Variants in NCAM2 observed in about 807,000 individuals in gnomAD.
The protein encoded by NCAM2 is neural cell adhesion molecule 2, also known as N-CAM-2.
In NCAM2, 30 loss-of-function variants were observed where a neutral mutation model predicts 98.1. The observed-to-expected ratio is 0.31, with a 90% CI of 0.23 to 0.41. The LOEUF (loss-of-function observed/expected upper bound fraction) is 0.41. Among genes scored for constraint, NCAM2 ranks in the 10% least tolerant of loss-of-function variants. The pLI, the probability that NCAM2 is intolerant of heterozygous loss-of-function variation, is 1.00. For missense variants in NCAM2, 867 were observed against 1,005.8 expected (o/e 0.86, Z 1.87); for synonymous variants, 368 against 342.4 (o/e 1.07, Z -0.83).
chr21:21,185,971 T>C (rs1370651842), intron 1 of NCAM2, among the ~76,000 whole-genome samples: 1 of 152,164 alleles, frequency 6.6e-6, no homozygotes, highest in African/African-American at 2.4e-5. Flanking sequence ...AGGAAGCAGA[T>C]TGCAGTGGTA....
At chr21:21,140,037 T>C (rs1025927724) in intron 1 of NCAM2, among the ~76,000 whole-genome samples, 1 of 152,196 alleles carries the variant, frequency 6.6e-6, no homozygotes, top group Non-Finnish European at 1.5e-5. Context: ...ATTGTCATGG[T>C]GGGTTCTAAG....
At position 21,264,970 on chromosome 21, in the gene NCAM2, C is replaced by T. The variant is rs1340148275; in HGVS notation, c.56-15608C>T. Among the ~76,000 whole-genome samples the T allele has an allele frequency of 3.2e-4, 39 of 123,442 alleles. 1 individual carries two copies. In the South Asian group the frequency reaches 6.2e-3, roughly 20 times the overall value. 81.0% of individuals were successfully genotyped at this position (123,442 alleles called of 152,430 possible). On this transcript the variant is annotated intron_variant, in intron 1 of 17. Coordinates refer to ENST00000400546, the MANE Select transcript of NCAM2 (RefSeq NM_004540.5). ...ATATATATGTGTATGTGTATATATACACATATATATTATATATGTGTATGT... is the reference window on the plus strand; with the variant it reads ...ATATATATGTGTATGTGTATATATATACATATATATTATATATGTGTATGT...
At chr21:21,425,143 C>T (rs1368616078) in intron 11 of NCAM2, among the ~76,000 whole-genome samples, 1 of 146,958 alleles carries the variant, frequency 6.8e-6, no homozygotes, top group East Asian at 2.1e-4. Flanking sequence ...CAACATGATT[C>T]ATGTATCTTA....
At chr21:21,215,923 A>G (rs2069882113) in intron 1 of NCAM2, among the ~76,000 whole-genome samples, 1 of 152,182 alleles carries the variant, frequency 6.6e-6, no homozygotes, top group Non-Finnish European at 1.5e-5. Flanking sequence ...GTACAGTAAC[A>G]AGAGAGCTAA....
intron 9 of NCAM2, among the ~76,000 whole-genome samples, chr21:21,399,460 C>G (rs1168861737): frequency 6.6e-6 from 1 of 152,124 alleles, no homozygotes; most frequent in Non-Finnish European, 1.5e-5. Flanking sequence ...AGATATTTCA[C>G]TCTAGTATGT....
intron 1 of NCAM2, among the ~76,000 whole-genome samples, chr21:21,242,781 C>G (rs2147246375): frequency 6.6e-6 from 1 of 152,246 alleles, no homozygotes; most frequent in East Asian, 1.9e-4. Context: ...GTGAATCATA[C>G]TGCAATGAAT....
At chr21:21,507,550 T>G (rs1988058868) in intron 15 of NCAM2, among the ~76,000 whole-genome samples, 1 of 151,996 alleles carries the variant, frequency 6.6e-6, no homozygotes, top group Non-Finnish European at 1.5e-5. Flanking sequence ...TCCCAGCACT[T>G]TGGGAGGCCA....
intron 1 of NCAM2, among the ~76,000 whole-genome samples, chr21:21,129,119 A>G (rs1392707682): frequency 6.6e-5 from 10 of 152,200 alleles, no homozygotes; most frequent in Admixed American, 6.5e-4. Flanking sequence ...GCATGTAGAT[A>G]CTGTGGCAAG....
intron 1 of NCAM2, among the ~76,000 whole-genome samples, chr21:21,093,341 T>C (rs1300552508): frequency 6.6e-6 from 1 of 152,066 alleles, no homozygotes; most frequent in African/African-American, 2.4e-5. Context: ...TTGGACATTG[T>C]CATTAATCCA....
chr21:21,082,301 A>G (rs1403620082), intron 1 of NCAM2, among the ~76,000 whole-genome samples: 1 of 151,278 alleles, frequency 6.6e-6, no homozygotes, highest in Non-Finnish European at 1.5e-5. Flanking sequence ...AAAACAAAAC[A>G]AAAACACCTT....
intron 6 of NCAM2, among the ~76,000 whole-genome samples, chr21:21,325,059 C>T (rs2074478245): frequency 6.6e-6 from 1 of 151,742 alleles, no homozygotes; most frequent in African/African-American, 2.4e-5. Flanking sequence ...TTTTAAAATA[C>T]TATTTGATTT....
At position 21,115,097 on chromosome 21, in the gene NCAM2, A is replaced by G. The variant is rs573495210; in HGVS notation, c.55+116479A>G. Among the ~76,000 whole-genome samples, 10 of 152,324 alleles carry G rather than the reference A, an allele frequency of 6.6e-5. 1 individual carries two copies. In the South Asian group the frequency reaches 2.1e-3, roughly 32 times the overall value. ...CAGCCTCCCAAAGTGCTGGAATTAC[A>G]GGCATGAGCCACCGCACCCGGCCAT... On this transcript the variant is annotated intron_variant, in intron 1 of 17. Coordinates refer to ENST00000400546, the MANE Select transcript of NCAM2 (RefSeq NM_004540.5).
intron 1 of NCAM2, among the ~76,000 whole-genome samples, chr21:21,150,771 TA>T (rs897594191): frequency 6.6e-6 from 1 of 151,930 alleles, no homozygotes; most frequent in African/African-American, 2.4e-5. Context: ...TTTCTGGTAA[TA>T]TATTTTTCTG....
At chr21:21,436,801 G>C (rs917265540) in intron 12 of NCAM2, among the ~76,000 whole-genome samples, 4 of 141,178 alleles carry the variant, frequency 2.8e-5, no homozygotes, top group Admixed American at 7.3e-5. Flanking sequence ...TCTTGCTCTT[G>C]TCCAGGCTAG....
At chr21:21,068,137 T>G (rs79029067) in intron 1 of NCAM2, among the ~76,000 whole-genome samples, 2 of 8,726 alleles carry the variant, frequency 2.3e-4, no homozygotes, top group Non-Finnish European at 1.3e-3. Flanking sequence ...TTTTTTTTCT[T>G]TTTTTTTTTT....
chr21:21,007,613 T>C (rs2064135405), intron 1 of NCAM2, among the ~76,000 whole-genome samples: 1 of 152,186 alleles, frequency 6.6e-6, no homozygotes. Flanking sequence ...CAAGTTTCCA[T>C]GACATCTGTA....
At position 21,374,099 on chromosome 21, in the gene NCAM2, T is replaced by C. The variant is rs980976073; in HGVS notation, c.1195+86T>C. 23 of 1,309,750 alleles carry C rather than the reference T, an allele frequency of 1.8e-5. 2 individuals carry two copies. The South Asian group carries it at 3.1e-4, about 18-fold the overall frequency. The allele number at this position is 1,309,750 out of a possible 1,614,324, so 81.1% of individuals were successfully genotyped here. On this transcript the variant is annotated intron_variant, in intron 9 of 17. Coordinates refer to ENST00000400546, the MANE Select transcript of NCAM2 (RefSeq NM_004540.5). ...TTTTCAATAAAGACCAAAATATATA[T>C]GTAGTTCACATTTCAGTACTTAATG...
At position 21,174,950 on chromosome 21, in the gene NCAM2, G is replaced by A. The variant is rs1046964026; in HGVS notation, c.56-105628G>A. On this transcript the variant is annotated intron_variant, in intron 1 of 17. Transcript: ENST00000400546. ...GTGGGAATCTATACATAATAATACC[G>A]TAAATCAAGAAAGAACTTGACATGG... is the stretch of plus-strand genomic sequence containing the variant. Among the ~76,000 whole-genome samples, 9 of 152,058 alleles carry A rather than the reference G, an allele frequency of 5.9e-5. No individual in the cohort carries two copies. The South Asian group carries it at 1.2e-3, about 21-fold the overall frequency.
chr21:21,303,249 A>T (rs2073778976), intron 5 of NCAM2, among the ~76,000 whole-genome samples: 1 of 152,216 alleles, frequency 6.6e-6, no homozygotes, highest in East Asian at 1.9e-4. Flanking sequence ...CTTTAAAAAG[A>T]AGTCAGAAGT....
Sources: allele counts gnomAD v4.1 joint callset (sites outside exome capture counted in the v4.1 genomes callset), GRCh38; gene constraint gnomAD v4.1.1; transcripts MANE v1.5; gene names NCBI Gene and HGNC (gene_info 2026-07-23, HGNC 2026-07-21).